The following DCLK3 variants were observed in gnomAD, a reference collection of about 807,000 sequenced individuals.
DCLK3 encodes serine/threonine-protein kinase DCLK3.
A neutral mutation model predicts 46.4 loss-of-function variants in DCLK3; 30 were observed. The ratio of observed to expected loss-of-function variants is 0.65; its 90% CI spans 0.48 to 0.88. The LOEUF (loss-of-function observed/expected upper bound fraction) is 0.88, where lower values mean the gene tolerates loss of function less well. Ranked by LOEUF, DCLK3 falls within the 40% of genes least tolerant of loss-of-function variation. The probability of loss-of-function intolerance (pLI) is 0.00; values close to 1 mark genes in which losing one functional copy is unlikely to be tolerated. For synonymous variants in DCLK3, 401 were observed against 339.2 expected, an observed-to-expected ratio of 1.18 and a Z score of -2.00; for missense variants, 846 against 907.1, an observed-to-expected ratio of 0.93 and a Z score of 0.87.
At chr3:36,743,152 C>T (rs1023174679) in intron 1 of DCLK3, among the ~76,000 whole-genome samples, 3 of 151,758 alleles carry the variant, frequency 2.0e-5, no homozygotes, top group Non-Finnish European at 4.4e-5. Context: ...GCTCCAAAGC[C>T]TGCAAACTTT....
chr3:36,762,761 C>G (rs1701550911), intron 1 of DCLK3, among the ~76,000 whole-genome samples: 1 of 152,144 alleles, frequency 6.6e-6, no homozygotes, highest in Non-Finnish European at 1.5e-5. Flanking sequence ...ACCAAGATGG[C>G]AAAGCTCACC....
intron 1 of DCLK3, among the ~76,000 whole-genome samples, chr3:36,762,850 C>T (rs1021407792): frequency 6.6e-6 from 1 of 152,100 alleles, no homozygotes; most frequent in Non-Finnish European, 1.5e-5. Context: ...CACTTTCTGC[C>T]CCTCTTTGTT....
At chr3:36,761,027 T>C (rs762868303) in intron 1 of DCLK3, among the ~76,000 whole-genome samples, 43 of 152,188 alleles carry the variant, frequency 2.8e-4, no homozygotes, top group Non-Finnish European at 5.7e-4. Context: ...AACTACACAC[T>C]ACATGACACC....
chr3:36,743,023 T>C (rs759330779), intron 1 of DCLK3, among the ~76,000 whole-genome samples: 37 of 152,138 alleles, frequency 2.4e-4, no homozygotes, highest in Non-Finnish European at 5.0e-4. Context: ...ATCAGTAAAA[T>C]GGAACCATAT....
At chr3:36,741,283 T>C (rs1282687763) in intron 1 of DCLK3, among the ~76,000 whole-genome samples, 1 of 152,214 alleles carries the variant, frequency 6.6e-6, no homozygotes, top group Non-Finnish European at 1.5e-5. Context: ...TGTTGGTTTT[T>C]CTTATGTGCT....
chr3:36,759,461 A>C (rs1701518890), intron 1 of DCLK3, among the ~76,000 whole-genome samples: 1 of 152,222 alleles, frequency 6.6e-6, no homozygotes, highest in Middle Eastern at 3.2e-3. Context: ...CTACTTGGCT[A>C]TCAATTGACC....
At chr3:36,744,507 GT>G (rs1280052290) in intron 1 of DCLK3, among the ~76,000 whole-genome samples, 1 of 152,242 alleles carries the variant, frequency 6.6e-6, no homozygotes, top group African/African-American at 2.4e-5. Context: ...CTGCCAAGCT[GT>G]TATTAGCTGT....
chr3:36,752,323 C>T (rs1701449592), intron 1 of DCLK3, among the ~76,000 whole-genome samples: 1 of 152,346 alleles, frequency 6.6e-6, no homozygotes, highest in Admixed American at 6.5e-5. Context: ...GCTGAGACCA[C>T]TTCCTTGCTT....
chr3:36,745,560 C>T (rs957492153), intron 1 of DCLK3, among the ~76,000 whole-genome samples: 2 of 152,196 alleles, frequency 1.3e-5, no homozygotes, highest in Non-Finnish European at 2.9e-5. Context: ...CTCCTCCTAG[C>T]AGAAAGGTGC....
intron 1 of DCLK3, among the ~76,000 whole-genome samples, chr3:36,747,630 G>A (rs1388541581): frequency 6.6e-6 from 1 of 152,128 alleles, no homozygotes; most frequent in East Asian, 1.9e-4. Context: ...CAAGGCAAGT[G>A]AAAGGAACAA....
In DCLK3 at chr3:36,738,688, A is replaced by T. The variant is rs778973107; in HGVS notation, c.479T>A (p.Phe160Tyr). 1 of 1,325,798 alleles carries T rather than the reference A, an allele frequency of 7.5e-7. No homozygotes were observed. Among genetic ancestry groups the T allele is most frequent in the Non-Finnish European group, 9.7e-7 (1 of 1,030,340 alleles). The allele number at this position is 1,325,798 out of a possible 1,614,324, so 82.1% of individuals were successfully genotyped here. ...KGREIRSVSD[F>Y]FREGDAFIAM... ...TATGAAAGCATCCCCTTCCCTGAAG[A>T]AATCAGAGACGCTCCTGATTTCCCT... Residue 160 changes from phenylalanine to tyrosine, a missense_variant, in exon 2 of 5, where the codon TTC becomes TAC. Transcript: ENST00000636136.
rs571226851 is a variant in DCLK3 at position 36,720,792 on chromosome 3, C to T, written c.2092+735G>A. Among the ~76,000 whole-genome samples the T allele has an allele frequency of 5.3e-5, 8 of 152,264 alleles. 1 individual carries two copies. In the South Asian group the frequency reaches 1.7e-3, roughly 32 times the overall value. On this transcript the variant is annotated intron_variant, in intron 3 of 4. Transcript: ENST00000636136. The stretch of plus-strand genomic sequence containing the variant: ...AAAGAGCTGGGATTACAGGCATGAG[C>T]CACCATCCCTGGCCATCTCCTCATC...
chr3:36,720,621 C>T (rs1411652332), intron 3 of DCLK3, among the ~76,000 whole-genome samples: 4 of 151,942 alleles, frequency 2.6e-5, no homozygotes, highest in Admixed American at 2.0e-4. Flanking sequence ...TCTCCTGCCT[C>T]AGCCTCCCGA....
intron 1 of DCLK3, among the ~76,000 whole-genome samples, chr3:36,755,118 A>G (rs556597638): frequency 4.6e-5 from 7 of 152,318 alleles, no homozygotes; most frequent in African/African-American, 1.7e-4. Flanking sequence ...TATGAGCAAC[A>G]TAAGGAAAAC....
chr3:36,763,197 C>G lies in DCLK3; in HGVS notation c.82+985G>C, dbSNP rs932807594. Among the ~76,000 whole-genome samples, 4 of 152,224 alleles carry G rather than the reference C, an allele frequency of 2.6e-5. No homozygotes were observed. The South Asian group carries it at 8.3e-4, about 31-fold the overall frequency. On this transcript the variant is annotated intron_variant, in intron 1 of 4. Transcript: ENST00000636136. The stretch of plus-strand genomic sequence containing the variant: ...AAGGTGGGACCCTGCTTCAATTTAA[C>G]AGCTGTCATCTTGGACAATACATCA...
At chr3:36,733,790 A>G (rs1701226928) in intron 2 of DCLK3, among the ~76,000 whole-genome samples, 2 of 152,240 alleles carry the variant, frequency 1.3e-5, no homozygotes, top group Admixed American at 6.5e-5. Flanking sequence ...AGATAAACTC[A>G]GGAATATAGG....
At chr3:36,724,153 G>C (rs1184461793) in intron 2 of DCLK3, among the ~76,000 whole-genome samples, 1 of 152,216 alleles carries the variant, frequency 6.6e-6, no homozygotes, top group African/African-American at 2.4e-5. Context: ...TGCCCCGCTA[G>C]ATTTCAGACT....
chr3:36,738,593 C>A lies in DCLK3; in HGVS notation c.574G>T (p.Ala192Ser). The A allele has an allele frequency of 7.1e-7, 1 of 1,405,142 alleles. No homozygotes were observed. Among genetic ancestry groups the A allele is most frequent in the Non-Finnish European group, 9.3e-7 (1 of 1,076,326 alleles). The allele number at this position is 1,405,142 out of a possible 1,614,324, so 87.0% of individuals were successfully genotyped here. The change falls in exon 2 of 5, where the codon GCC becomes TCC. Residue 192 changes from alanine to serine, a missense_variant. Physicochemically the swap from Ala to Ser is moderately conservative, Grantham distance 99. Coordinates refer to ENST00000636136, the MANE Select transcript of DCLK3 (RefSeq NM_001394672.2). ...TGCTGGGCCAGTGTCAGGGCCCGGG[C>A]TTTGTTGGGGTACAGTTCTTCTACA... is the stretch of plus-strand genomic sequence containing the variant. ...VAVEELYPNK[A>S]RALTLAQHSR...
intron 2 of DCLK3, among the ~76,000 whole-genome samples, chr3:36,735,658 C>T (rs1701253071): frequency 6.6e-6 from 1 of 152,200 alleles, no homozygotes; most frequent in South Asian, 2.1e-4. Flanking sequence ...AAATATGGCC[C>T]ATCAAAATCA....
Sources: allele counts gnomAD v4.1 joint callset (sites outside exome capture counted in the v4.1 genomes callset), GRCh38; gene constraint gnomAD v4.1.1; transcripts MANE v1.5; gene names NCBI Gene and HGNC (gene_info 2026-07-23, HGNC 2026-07-21).